The following LRMDA variants were observed in gnomAD, a reference collection of about 807,000 sequenced individuals.
The protein encoded by LRMDA is leucine rich melanocyte differentiation associated.
In LRMDA, 18 loss-of-function variants were observed where a neutral mutation model predicts 29.8. That is an observed-to-expected ratio of 0.60 (90% CI 0.42 to 0.90). The LOEUF (loss-of-function observed/expected upper bound fraction) is 0.90, where lower values mean the gene tolerates loss of function less well. LRMDA is among the 40% of genes least tolerant of loss of function. The pLI is 0.00. For missense variants in LRMDA, 273 were observed against 273.9 expected, an observed-to-expected ratio of 1.00 and a Z score of 0.02; for synonymous variants, 125 against 109.4, an observed-to-expected ratio of 1.14 and a Z score of -0.89.
At chr10:75,501,590 A>G (rs142036689) in intron 2 of LRMDA, among the ~76,000 whole-genome samples, 1 of 152,278 alleles carries the variant, frequency 6.6e-6, no homozygotes, top group African/African-American at 2.4e-5. Flanking sequence ...TGAAATTTTT[A>G]TCCTAATTTT....
intron 5 of LRMDA, among the ~76,000 whole-genome samples, chr10:76,247,981 T>A (rs1413947003): frequency 1.3e-5 from 2 of 152,166 alleles, no homozygotes; most frequent in Non-Finnish European, 2.9e-5. Flanking sequence ...AGTCCTATCA[T>A]GTTTTCTCAA....
intron 2 of LRMDA, among the ~76,000 whole-genome samples, chr10:75,658,561 C>T (rs542856255): frequency 6.6e-6 from 1 of 152,154 alleles, no homozygotes; most frequent in East Asian, 1.9e-4. Context: ...TGGACAATTC[C>T]CAAAGCACAT....
chr10:75,998,644 G>C (rs140035020), intron 2 of LRMDA, among the ~76,000 whole-genome samples: 89 of 152,308 alleles, frequency 5.8e-4, no homozygotes, highest in African/African-American at 2.1e-3. Flanking sequence ...CTCAGGTGAC[G>C]ATCCAGGGCC....
intron 6 of LRMDA, among the ~76,000 whole-genome samples, chr10:76,413,697 T>C (rs1267256712): frequency 6.6e-6 from 1 of 152,234 alleles, no homozygotes; most frequent in African/African-American, 2.4e-5. Flanking sequence ...TTTTATTTAT[T>C]GCATGGTGTT....
chr10:75,895,240 A>G (rs1408899640), intron 2 of LRMDA, among the ~76,000 whole-genome samples: 2 of 152,212 alleles, frequency 1.3e-5, no homozygotes, highest in African/African-American at 4.8e-5. Flanking sequence ...TTTAAGGTGA[A>G]TCTGTCAGGT....
intron 2 of LRMDA, among the ~76,000 whole-genome samples, chr10:75,516,824 T>C (rs1476830212): frequency 6.6e-6 from 1 of 152,190 alleles, no homozygotes; most frequent in Non-Finnish European, 1.5e-5. Context: ...TAGGGTTTTA[T>C]GGTTTTAGGT....
At chr10:75,659,494 G>A (rs1477967123) in intron 2 of LRMDA, among the ~76,000 whole-genome samples, 4 of 152,106 alleles carry the variant, frequency 2.6e-5, no homozygotes, top group South Asian at 2.1e-4. Flanking sequence ...TGCCATTTGC[G>A]ACAACACAGA....
At chr10:75,820,296 T>C (rs537210881) in intron 2 of LRMDA, among the ~76,000 whole-genome samples, 1 of 152,284 alleles carries the variant, frequency 6.6e-6, no homozygotes, top group South Asian at 2.1e-4. Flanking sequence ...ATTGAAATAA[T>C]GTCAAGTACC....
At chr10:75,984,314 G>T (rs1847225615) in intron 2 of LRMDA, among the ~76,000 whole-genome samples, 1 of 152,212 alleles carries the variant, frequency 6.6e-6, no homozygotes, top group South Asian at 2.1e-4. Context: ...TGGAGGAGGA[G>T]AAAGAGACAA....
chr10:76,466,705 A>C (rs1419660549), intron 6 of LRMDA, among the ~76,000 whole-genome samples: 1 of 152,148 alleles, frequency 6.6e-6, no homozygotes, highest in Non-Finnish European at 1.5e-5. Flanking sequence ...CAGAGGCAAG[A>C]GAATTGAGCC....
At chr10:75,907,821 C>G (rs1188834879) in intron 2 of LRMDA, among the ~76,000 whole-genome samples, 3 of 152,162 alleles carry the variant, frequency 2.0e-5, no homozygotes, top group African/African-American at 7.2e-5. Flanking sequence ...TGTCTCAGCT[C>G]CCCACTGTAG....
intron 6 of LRMDA, among the ~76,000 whole-genome samples, chr10:76,502,082 A>C (rs1842915903): frequency 6.6e-6 from 1 of 151,984 alleles, no homozygotes; most frequent in Non-Finnish European, 1.5e-5. Context: ...GTATATGGCT[A>C]GCCAGTTATC....
chr10:75,579,133 G>GC (rs1669318780), intron 2 of LRMDA, among the ~76,000 whole-genome samples: 1 of 152,142 alleles, frequency 6.6e-6, no homozygotes, highest in African/African-American at 2.4e-5. Context: ...GAATCCAGGA[G>GC]CTGGTTTTTT....
intron 2 of LRMDA, among the ~76,000 whole-genome samples, chr10:75,706,398 A>G (rs1337580449): frequency 6.6e-6 from 1 of 152,238 alleles, no homozygotes; most frequent in Non-Finnish European, 1.5e-5. Context: ...TATAGTTCAC[A>G]AGATTTTAAA....
intron 2 of LRMDA, among the ~76,000 whole-genome samples, chr10:75,584,744 G>A (rs576260409): frequency 6.6e-6 from 1 of 152,286 alleles, no homozygotes; most frequent in African/African-American, 2.4e-5. Flanking sequence ...GTCACTGACT[G>A]TAGCAGCAGG....
At chr10:76,175,240 C>T (rs902858306) in intron 5 of LRMDA, among the ~76,000 whole-genome samples, 1 of 152,196 alleles carries the variant, frequency 6.6e-6, no homozygotes, top group Non-Finnish European at 1.5e-5. Context: ...GACCCTGTAG[C>T]ATGAGGTTTA....
intron 2 of LRMDA, among the ~76,000 whole-genome samples, chr10:75,654,063 C>T (rs932557544): frequency 6.8e-6 from 1 of 146,868 alleles, no homozygotes; most frequent in Non-Finnish European, 1.5e-5. Context: ...TGATCAGGCA[C>T]TGCCCCTAAT....
chr10:75,792,423 C>T (rs1843584700), intron 2 of LRMDA, among the ~76,000 whole-genome samples: 1 of 152,130 alleles, frequency 6.6e-6, no homozygotes, highest in African/African-American at 2.4e-5. Flanking sequence ...TCCCACCATG[C>T]CTGGCTAATT....
chr10:76,255,584 C>A (rs74150563), intron 5 of LRMDA, among the ~76,000 whole-genome samples: 6,129 of 152,232 alleles, frequency 0.04, 410 homozygotes, highest in African/African-American at 0.14. Context: ...TCACATCAGA[C>A]CAAGCTAGGA....
Sources: allele counts gnomAD v4.1 joint callset (sites outside exome capture counted in the v4.1 genomes callset), GRCh38; gene constraint gnomAD v4.1.1; transcripts MANE v1.5; gene names NCBI Gene and HGNC (gene_info 2026-07-23, HGNC 2026-07-21).